Variants in MUC4 observed in about 807,000 individuals in gnomAD.
The protein encoded by MUC4 is mucin-4.
In MUC4, 202 loss-of-function variants were observed where a neutral mutation model predicts 257.9. That is an observed-to-expected ratio of 0.78 (90% confidence interval 0.70 to 0.88). The LOEUF is 0.88. Ranked by LOEUF, MUC4 falls within the 40% of genes least tolerant of loss-of-function variation. The pLI, the probability that MUC4 is intolerant of heterozygous loss-of-function variation, is 0.00. For synonymous variants in MUC4, 2,351 were observed against 2,757.1 expected (o/e 0.85, Z 4.62); for missense variants, 5,976 against 6,513.7 (o/e 0.92, Z 2.84).
chr3:195,754,853 C>G (rs1374790939), intron 18 of MUC4, among the ~76,000 whole-genome samples: 1 of 150,436 alleles, frequency 6.6e-6, no homozygotes, highest in South Asian at 2.1e-4. Context: ...ATGTATGTAT[C>G]CATGTAGATA....
At position 195,784,767 on chromosome 3, in the gene MUC4, G is replaced by A. The variant is rs201456042; in HGVS notation, c.6813C>T (p.Thr2271=). The stretch of plus-strand genomic sequence containing the variant: ...AGGAAAGGCTGGTGACAGGAAGAGA[G>A]GTGGCGTGACCTGTGGACACTGAGG... ...DASSVSTGHA[T]SLPVTSLSSV... is the part of the protein sequence containing the mutation. The change falls in exon 2 of 25, where the codon ACC becomes ACT. Residue 2271 remains threonine (T), a synonymous_variant. Coordinates refer to ENST00000463781, the MANE Select transcript of MUC4 (RefSeq NM_018406.7). 0.032 allele frequency: 40,126 copies of A among 1,268,284 alleles called. 2,396 individuals are homozygous for A. Among genetic ancestry groups the A allele is most frequent in the Middle Eastern group, 0.085 (317 of 3,710 alleles). 78.6% of individuals were successfully genotyped at this position (1,268,284 alleles called of 1,614,324 possible). A position where few individuals can be genotyped will look rare whatever the true frequency, so the allele number is the denominator to read the frequency against.
intron 7 of MUC4, among the ~76,000 whole-genome samples, chr3:195,767,915 G>GCCACCACCATCATCACCA (rs71180959): frequency 3.6e-5 from 4 of 110,846 alleles, no homozygotes; most frequent in African/African-American, 1.5e-4. Flanking sequence ...CATCACCATC[G>GCCACCACCATCATCACCA]CCACTGCCAC....
chr3:195,790,669 CCTT>C lies in MUC4; in HGVS notation c.908_910del (p.Glu303del). The C allele has an allele frequency of 6.2e-7, 1 of 1,613,964 alleles. No individual in the cohort carries two copies. The highest frequency in any genetic ancestry group is 8.5e-7 in the Non-Finnish European group (1 of 1,179,878). Reference sequence around the variant, plus strand: ...CCTTGAGAAAGTTGCTGGTGATTGTCCTTCTGGATCAAATGTTACTAAGGCTGC... The same window carrying C: ...CCTTGAGAAAGTTGCTGGTGATTGTCCTGGATCAAATGTTACTAAGGCTGC... On this transcript the variant is annotated inframe_deletion, in exon 2 of 25. Transcript: ENST00000463781.
At chr3:195,752,569 G>T in intron 20 of MUC4, 123 bp from the exon 21 acceptor site, 1 of 786,580 alleles carries the variant, frequency 1.3e-6, no homozygotes, top group Non-Finnish European at 2.2e-6. Flanking sequence ...TGAAGAAACC[G>T]GGAGAAGTGG....
chr3:195,776,323 A>G (rs1180530941), intron 3 of MUC4, among the ~76,000 whole-genome samples: 6 of 85,650 alleles, frequency 7.0e-5, no homozygotes, highest in Non-Finnish European at 9.3e-5. Flanking sequence ...TACCTTCCAC[A>G]GTCATACCTT....
rs752067339 is a variant in MUC4 at position 195,759,192 on chromosome 3, T to C, written c.14918A>G (p.Gln4973Arg). The C allele has an allele frequency of 6.2e-7, 1 of 1,614,146 alleles. No homozygotes were observed. Among genetic ancestry groups the C allele is most frequent in the South Asian group, 1.1e-5 (1 of 91,080 alleles). ...EAYKGQTTLI[Q>R]YTSNAEDANF... ...GGCATCCTCAGCATTGCTGGTGTAC[T>C]GAATCAGCGTGGTCTGCCCCTTGTA... The change falls in exon 17 of 25, where the codon CAG (glutamine) becomes CGG (arginine). Residue 4973 changes from glutamine to arginine, a missense_variant. Around this residue, in one of 44 missense-constraint regions of MUC4, gnomAD observed 996 missense variants for 1,137.3 expected, o/e 0.88. Transcript: ENST00000463781.
intron 7 of MUC4, among the ~76,000 whole-genome samples, chr3:195,767,555 T>TCA (rs1721086711): frequency 3.8e-5 from 2 of 53,118 alleles, no homozygotes; most frequent in African/African-American, 1.5e-4. Context: ...ACCATCACCA[T>TCA]TACCATTGCC....
intron 11 of MUC4, 33 bp downstream of exon 11, chr3:195,764,012 A>G (rs780282475): frequency 2.0e-5 from 32 of 1,594,082 alleles, no homozygotes; most frequent in Non-Finnish European, 2.5e-5. Context: ...CCCTCCCCAG[A>G]GGCTCTTCCT....
At position 195,779,794 on chromosome 3, in the gene MUC4, G is replaced by T; in HGVS notation, c.11786C>A (p.Ala3929Glu). 1 of 976,986 alleles carries T rather than the reference G, an allele frequency of 1.0e-6. No individual in the cohort carries two copies. The highest frequency in any genetic ancestry group is 1.3e-6 in the Non-Finnish European group (1 of 744,772). 60.5% of individuals were successfully genotyped at this position (976,986 alleles called of 1,614,324 possible). A position where few individuals can be genotyped will look rare whatever the true frequency, so the allele number is the denominator to read the frequency against. ...TRLPVTDVSS[A>E]STGHATPLPV... is the part of the protein sequence containing the mutation. ...AAGAGGGGTGGCATGTCCTGTGGATGCCGAGGAAACGTCGGTGACAGGAAG... is the reference window on the plus strand; with the variant it reads ...AAGAGGGGTGGCATGTCCTGTGGATTCCGAGGAAACGTCGGTGACAGGAAG... The change falls in exon 2 of 25, where the codon GCA (alanine) becomes GAA (glutamate). Residue 3929 changes from alanine (A) to glutamate (E), a missense_variant. Transcript: ENST00000463781.
At chr3:195,775,499 GCCATACCTTCCACACCCATACCTTCCACA>G (rs1724285392) in intron 3 of MUC4, among the ~76,000 whole-genome samples, 1 of 14,578 alleles carries the variant, frequency 6.9e-5, no homozygotes, top group Non-Finnish European at 1.3e-4. Flanking sequence ...ACCTTCCACA[GCCATACCTTCCACACCCATACCTTCCACA>G]CCCATACCTT....
rs73205710 is a variant in MUC4 at position 195,755,575 on chromosome 3, A to G, written c.15169-1203T>C. On this transcript the variant is annotated intron_variant, in intron 18 of 24. Transcript: ENST00000463781. This position sits in a 1 kb window ranked among gnomAD's most constrained non-coding sequence, Gnocchi z 5.0. ...GAGAAAACACAGCAGCCAGTACAGC[A>G]GCTCAGCAAAGGCTGCGGCGCCGAG... is the stretch of plus-strand genomic sequence containing the variant. Among the ~76,000 whole-genome samples the G allele has an allele frequency of 0.08, 12,161 of 152,006 alleles. 566 individuals are homozygous for G. Among genetic ancestry groups the G allele is most frequent in the Middle Eastern group, 0.22 (64 of 294 alleles).
chr3:195,760,269 C>T (rs1422662162), intron 16 of MUC4, among the ~76,000 whole-genome samples: 3 of 152,104 alleles, frequency 2.0e-5, no homozygotes, highest in African/African-American at 4.8e-5. Flanking sequence ...TTAGACAGGG[C>T]GGCCAAGAGA....
At chr3:195,804,739 A>T (rs994449648) in intron 1 of MUC4, among the ~76,000 whole-genome samples, 6 of 152,270 alleles carry the variant, frequency 3.9e-5, no homozygotes, top group Non-Finnish European at 8.8e-5. Context: ...CACAGGCAGC[A>T]GGCGGCCCGG....
Position 195,790,155 on chromosome 3 carries a change from C to T in MUC4, c.1425G>A (p.Val475=). Residue 475 remains valine (V), a synonymous_variant, in exon 2 of 25, where the codon GTG becomes GTA. Coordinates refer to ENST00000463781, the MANE Select transcript of MUC4 (RefSeq NM_018406.7). ...PHERSSFSPG[V]SQEIFTLHET... Reference sequence around the variant, plus strand: ...CATGTAGAGTAAATATTTCTTGAGACACACCTGGAGAGAATGAGCTCCTCT... The same window carrying T: ...CATGTAGAGTAAATATTTCTTGAGATACACCTGGAGAGAATGAGCTCCTCT... 6.2e-7 allele frequency: 1 copy of T among 1,614,016 alleles called. No homozygotes were observed. Among genetic ancestry groups the T allele is most frequent in the Non-Finnish European group, 8.5e-7 (1 of 1,179,908 alleles).
chr3:195,746,868 TCAC>T lies in MUC4; in HGVS notation c.*305_*307del, dbSNP rs1401507964. 4.4e-6 allele frequency: 2 copies of T among 456,746 alleles called. No homozygotes were observed. The highest frequency in any genetic ancestry group is 3.4e-5 in the East Asian group (1 of 29,770). The allele number at this position is 456,746 out of a possible 1,614,324, so 28.3% of individuals were successfully genotyped here. A position where few individuals can be genotyped will look rare whatever the true frequency, so the allele number is the denominator to read the frequency against. ...AAGCATTTTGCTTAACTTAGGGCCATCACCACATTATGAACTCGTGTGTGTGTG... is the reference window on the plus strand; with the variant it reads ...AAGCATTTTGCTTAACTTAGGGCCATCACATTATGAACTCGTGTGTGTGTG... On this transcript the variant is annotated 3_prime_UTR_variant, in exon 25 of 25. Transcript: ENST00000463781.
intron 1 of MUC4, among the ~76,000 whole-genome samples, chr3:195,792,382 G>C (rs1324655154): frequency 6.6e-6 from 1 of 152,196 alleles, no homozygotes; most frequent in East Asian, 1.9e-4. Flanking sequence ...ATGAAAAAAG[G>C]CTCATCATCA....
intron 8 of MUC4, among the ~76,000 whole-genome samples, chr3:195,765,942 G>A (rs1720365232): frequency 6.6e-6 from 1 of 151,950 alleles, no homozygotes; most frequent in Admixed American, 6.6e-5. Context: ...ATGAACGTGA[G>A]ACCCCCGGGC....
intron 17 of MUC4, among the ~76,000 whole-genome samples, chr3:195,758,820 C>T (rs1030123928): frequency 1.3e-5 from 2 of 151,700 alleles, no homozygotes; most frequent in African/African-American, 4.9e-5. Flanking sequence ...ATCCGCCCAC[C>T]TCGGCCTCCC....
chr3:195,754,705 T>A (rs1199371079), intron 18 of MUC4, among the ~76,000 whole-genome samples: 1 of 151,116 alleles, frequency 6.6e-6, no homozygotes, highest in Non-Finnish European at 1.5e-5. Flanking sequence ...GCATGAATGA[T>A]TGAAGCATGA....
Sources: allele counts gnomAD v4.1 joint callset (sites outside exome capture counted in the v4.1 genomes callset), GRCh38; gene constraint gnomAD v4.1.1; regional missense constraint gnomAD v4.1.1; non-coding constraint Gnocchi (gnomAD v3.1); transcripts MANE v1.5; gene names NCBI Gene and HGNC (gene_info 2026-07-23, HGNC 2026-07-21).